The following RYR2 variants were observed in gnomAD, a reference collection of about 807,000 sequenced individuals.
The protein encoded by RYR2 is ryanodine receptor 2.
Under a neutral mutation model 601.1 loss-of-function variants are expected in RYR2, and 227 were observed. The observed-to-expected ratio is 0.38, with a 90% CI of 0.34 to 0.42. The LOEUF (loss-of-function observed/expected upper bound fraction) is 0.42. Ranked by LOEUF, RYR2 falls within the 10% of genes least tolerant of loss-of-function variation. The pLI is 1.00. For synonymous variants in RYR2, 2,223 were observed against 2,175.1 expected, an observed-to-expected ratio of 1.02 and a Z score of -0.61; for missense variants, 4,646 against 6,156.5, an observed-to-expected ratio of 0.75 and a Z score of 8.21.
At chr1:237,307,150 T>C (rs938885934) in intron 2 of RYR2, among the ~76,000 whole-genome samples, 2 of 131,036 alleles carry the variant, frequency 1.5e-5, no homozygotes, top group African/African-American at 4.9e-5. Context: ...ATAATGTCAT[T>C]ACCACTTTTT....
intron 56 of RYR2, among the ~76,000 whole-genome samples, chr1:237,664,258 C>T (rs1019925783): frequency 6.6e-6 from 1 of 152,188 alleles, no homozygotes; most frequent in African/African-American, 2.4e-5. Context: ...AGGAATGGTG[C>T]ATTCATTCCT....
chr1:237,606,385 A>G (rs1335034191), intron 35 of RYR2, among the ~76,000 whole-genome samples: 1 of 152,194 alleles, frequency 6.6e-6, no homozygotes, highest in Non-Finnish European at 1.5e-5. Flanking sequence ...CTGAAACTGG[A>G]TCCCTTCCTT....
intron 16 of RYR2, 46 bp from the exon 17 acceptor site, chr1:237,469,046 G>A (rs759219659): frequency 1.8e-5 from 27 of 1,504,752 alleles, no homozygotes; most frequent in Admixed American, 5.1e-5. Flanking sequence ...CTCAATTTTC[G>A]AGCTAGAAAA....
Position 237,627,912 on chromosome 1 carries a change from A to G in RYR2, c.6272A>G (p.Gln2091Arg). The G allele has an allele frequency of 6.2e-6, 10 of 1,613,932 alleles. No individual in the cohort carries two copies. Among genetic ancestry groups the G allele is most frequent in the Non-Finnish European group, 8.5e-6 (10 of 1,179,884 alleles). Residue 2091 changes from glutamine (Q) to arginine (R), a missense_variant, in exon 41 of 105, where the codon CAG becomes CGG. By Grantham distance (43) the Gln-to-Arg change is conservative. Transcript: ENST00000366574. ...VRAMFVLLHRQYDGIGGLVRA... is the reference protein window; with the variant it reads ...VRAMFVLLHRRYDGIGGLVRA... ...GCCATGTTTGTGTTGCTCCATCGGC[A>G]GTATGACGGCATTGGGGGTCTTGTT...
chr1:237,178,925 C>A (rs1482538019), intron 1 of RYR2, among the ~76,000 whole-genome samples: 17 of 151,882 alleles, frequency 1.1e-4, no homozygotes, highest in Admixed American at 1.1e-3. Flanking sequence ...ATTATTTTTT[C>A]AAAAAATATA....
chr1:237,625,309 A>C (rs541190100), intron 39 of RYR2, among the ~76,000 whole-genome samples: 77 of 152,226 alleles, frequency 5.1e-4, no homozygotes, highest in Non-Finnish European at 9.0e-4. Flanking sequence ...GCAGGGCTGG[A>C]CTGTAAGTCT....
chr1:237,671,502 GGTGTGTGTGTGTGTGTGCGT>G (rs1445981159), intron 58 of RYR2, among the ~76,000 whole-genome samples: 58 of 149,362 alleles, frequency 3.9e-4, no homozygotes, highest in Admixed American at 6.7e-5. Context: ...TTGGTGCCTG[GGTGTGTGTGTGTGTGTGCGT>G]GTGTGTGTGT....
chr1:237,281,505 C>G (rs1391411825), intron 2 of RYR2, among the ~76,000 whole-genome samples: 1 of 152,212 alleles, frequency 6.6e-6, no homozygotes, highest in East Asian at 1.9e-4. Context: ...GAGTTCACCT[C>G]TTGCACACAG....
At chr1:237,243,293 C>A (rs1259716789) in intron 1 of RYR2, among the ~76,000 whole-genome samples, 1 of 152,222 alleles carries the variant, frequency 6.6e-6, no homozygotes, top group Admixed American at 6.5e-5. Context: ...GGACACCAGT[C>A]TCTAATCCAG....
At chr1:237,113,438 T>C (rs1345741643) in intron 1 of RYR2, among the ~76,000 whole-genome samples, 1 of 152,064 alleles carries the variant, frequency 6.6e-6, no homozygotes, top group Admixed American at 6.6e-5. Context: ...TGACCTCAGA[T>C]GATCCACCTG....
At chr1:237,631,357 T>C in intron 41 of RYR2, 70 bp from the exon 42 acceptor site, 2 of 916,756 alleles carry the variant, frequency 2.2e-6, no homozygotes, top group East Asian at 2.7e-5. Flanking sequence ...CTAAAAGATT[T>C]ATGAGGAACT....
intron 84 of RYR2, 43 bp from the exon 85 acceptor site, chr1:237,770,764 C>A: frequency 7.9e-7 from 1 of 1,268,694 alleles, no homozygotes; most frequent in Non-Finnish European, 1.1e-6. Context: ...GAGCGGCAGG[C>A]TGGGGTGGCT....
chr1:237,673,720 A>G (rs1685155070), intron 58 of RYR2, among the ~76,000 whole-genome samples: 1 of 152,326 alleles, frequency 6.6e-6, no homozygotes, highest in Admixed American at 6.5e-5. Context: ...ATGCCTTATA[A>G]CTTTTCTAAA....
At chr1:237,105,103 C>T (rs1010472590) in intron 1 of RYR2, among the ~76,000 whole-genome samples, 14 of 152,178 alleles carry the variant, frequency 9.2e-5, no homozygotes, top group African/African-American at 2.9e-4. Flanking sequence ...GTCTCAGTGC[C>T]GGCAAACACG....
In RYR2 at chr1:237,067,294, G is replaced by A. The variant is rs562343653; in HGVS notation, c.48+24725G>A. Among the ~76,000 whole-genome samples, 6 of 152,080 alleles carry A rather than the reference G, an allele frequency of 3.9e-5. No homozygotes were observed. The South Asian group carries it at 1.0e-3, about 26-fold the overall frequency. On this transcript the variant is annotated intron_variant, in intron 1 of 104. Coordinates refer to ENST00000366574, the MANE Select transcript of RYR2 (RefSeq NM_001035.3). ...GTTTTATAGTTTTATGTTTCTCATC[G>A]ATGATCTGATTTTGAGTTAATTTTT...
intron 2 of RYR2, among the ~76,000 whole-genome samples, chr1:237,277,807 G>A (rs1374015611): frequency 2.0e-5 from 3 of 152,104 alleles, no homozygotes; most frequent in Admixed American, 6.5e-5. Context: ...GTGACAGAGT[G>A]AGACCCTGTC....
intron 1 of RYR2, among the ~76,000 whole-genome samples, chr1:237,175,504 A>G (rs969505548): frequency 6.6e-6 from 1 of 152,078 alleles, no homozygotes; most frequent in Non-Finnish European, 1.5e-5. Context: ...GTACCTACCT[A>G]TATGCTCATA....
intron 1 of RYR2, among the ~76,000 whole-genome samples, chr1:237,057,709 C>A (rs985394257): frequency 6.6e-6 from 1 of 151,988 alleles, no homozygotes; most frequent in African/African-American, 2.4e-5. Flanking sequence ...TGAAAGAGAC[C>A]ATAATCTAAG....
At chr1:237,389,777 A>G (rs574718864) in intron 10 of RYR2, among the ~76,000 whole-genome samples, 1 of 152,304 alleles carries the variant, frequency 6.6e-6, no homozygotes, top group African/African-American at 2.4e-5. Context: ...ACAGTCTATG[A>G]GACGTCCAGT....
Sources: allele counts gnomAD v4.1 joint callset (sites outside exome capture counted in the v4.1 genomes callset), GRCh38; gene constraint gnomAD v4.1.1; transcripts MANE v1.5; gene names NCBI Gene and HGNC (gene_info 2026-07-23, HGNC 2026-07-21).